The following PRDM6 variants were observed in gnomAD, a reference collection of about 807,000 sequenced individuals.
PRDM6 encodes the protein PR/SET domain 6.
PRDM6 carries 25 observed loss-of-function variants against 60.8 expected under a neutral mutation model. The observed-to-expected ratio is 0.41, with a 90% CI of 0.30 to 0.57. PRDM6 has a LOEUF of 0.57. PRDM6 is among the 20% of genes least tolerant of loss of function. The pLI, the probability that PRDM6 is intolerant of heterozygous loss-of-function variation, is 0.27. For synonymous variants in PRDM6, 407 were observed against 357.4 expected, an observed-to-expected ratio of 1.14 and a Z score of -1.57; for missense variants, 839 against 821.3, an observed-to-expected ratio of 1.02 and a Z score of -0.26.
chr5:123,090,057 G>A lies in PRDM6; in HGVS notation c.43G>A (p.Val15Met), dbSNP rs894157984. The A allele has an allele frequency of 6.5e-7, 1 of 1,548,412 alleles. No homozygotes were observed. The highest frequency in any genetic ancestry group is 8.7e-7 in the Non-Finnish European group (1 of 1,146,078). The stretch of plus-strand genomic sequence containing the variant: ...CCCCGGCGGTTCGGCCTTCCTCAAA[G>A]TGGACCCAGCCTACCTGCAGCACTG... ...GDPGGSAFLKVDPAYLQHWQQ... is the reference protein window; with the variant it reads ...GDPGGSAFLKMDPAYLQHWQQ... Residue 15 changes from valine to methionine, a missense_variant, in exon 2 of 8, where the codon GTG (valine) becomes ATG (methionine). This residue lies in a region of PRDM6 where 730 missense variants were observed against 648.8 expected (regional missense o/e 1.13). Transcript: ENST00000407847.
intron 3 of PRDM6, among the ~76,000 whole-genome samples, chr5:123,119,487 T>A (rs1764533038): frequency 6.6e-6 from 1 of 151,868 alleles, no homozygotes; most frequent in Admixed American, 6.6e-5. Context: ...TGTGGCTTCC[T>A]CAGCTGCAAC....
chr5:123,104,605 G>C (rs1362448451), intron 3 of PRDM6, among the ~76,000 whole-genome samples: 1 of 152,074 alleles, frequency 6.6e-6, no homozygotes, highest in East Asian at 1.9e-4. Context: ...TAGTCTGCCT[G>C]TCAGTTTGGT....
In PRDM6 at chr5:123,193,359, G is replaced by A. The variant is rs906493798; in HGVS notation, c.*6158G>A. ...GTTTAAAAGCAATTATGCCGTATCA[G>A]GTGATTGCCACATGTTGGGGAAAGC... On this transcript the variant is annotated 3_prime_UTR_variant, in exon 8 of 8. Coordinates refer to ENST00000407847, the MANE Select transcript of PRDM6 (RefSeq NM_001136239.4). 3.9e-5 allele frequency: 6 copies of A among 152,176 alleles called. No homozygotes were observed. Among genetic ancestry groups the A allele is most frequent in the African/African-American group, 1.2e-4 (5 of 41,444 alleles). 9.4% of individuals were successfully genotyped at this position (152,176 alleles called of 1,614,324 possible).
chr5:123,136,263 A>G (rs1251234700), intron 3 of PRDM6, among the ~76,000 whole-genome samples: 2 of 152,142 alleles, frequency 1.3e-5, no homozygotes, highest in African/African-American at 2.4e-5. Flanking sequence ...TATGACTACA[A>G]TTTGAATATA....
chr5:123,121,583 T>G (rs907425945), intron 3 of PRDM6, among the ~76,000 whole-genome samples: 7 of 152,130 alleles, frequency 4.6e-5, no homozygotes, highest in Non-Finnish European at 8.8e-5. Flanking sequence ...TAAATCCCAG[T>G]CACCTTAACA....
chr5:123,096,198 A>G (rs1246203340), intron 2 of PRDM6, among the ~76,000 whole-genome samples: 1 of 500 alleles, frequency 2.0e-3, no homozygotes, highest in Non-Finnish European at 5.5e-3. Flanking sequence ...AAGAGAAAGT[A>G]TGAACATTTA....
intron 6 of PRDM6, among the ~76,000 whole-genome samples, chr5:123,177,156 C>A (rs963358825): frequency 1.3e-5 from 2 of 152,160 alleles, no homozygotes; most frequent in Admixed American, 6.5e-5. Context: ...AATTTTTGAA[C>A]GTATTCCTGT....
At chr5:123,153,515 A>G (rs1765420461) in intron 3 of PRDM6, among the ~76,000 whole-genome samples, 1 of 152,180 alleles carries the variant, frequency 6.6e-6, no homozygotes, top group Admixed American at 6.6e-5. Context: ...TCACAGTTTC[A>G]TGTGAAATAT....
chr5:123,091,219 A>G (rs550992597), intron 2 of PRDM6, among the ~76,000 whole-genome samples: 6 of 152,136 alleles, frequency 3.9e-5, no homozygotes, highest in African/African-American at 1.4e-4. Context: ...GTATTCTTAG[A>G]TCTACTATTC....
At chr5:123,155,262 CTTTTT>C (rs759225954) in intron 3 of PRDM6, among the ~76,000 whole-genome samples, 1 of 92,738 alleles carries the variant, frequency 1.1e-5, no homozygotes, top group Admixed American at 1.3e-4. Context: ...GAGGGTCTCT[CTTTTT>C]TTTTTTTTTT....
chr5:123,179,040 TAAAC>T lies in PRDM6; in HGVS notation c.1497-1103_1497-1100del, dbSNP rs373189880. ...TTAATTATCTGAACAAAAATTTTGA[TAAAC>T]AAATTAGAATCCTGTCAAGGAATGA... On this transcript the variant is annotated intron_variant, in intron 6 of 7. Coordinates refer to ENST00000407847, the MANE Select transcript of PRDM6 (RefSeq NM_001136239.4). Among the ~76,000 whole-genome samples the T allele has an allele frequency of 3.4e-3, 515 of 152,302 alleles. 2 individuals carry two copies. The highest frequency in any genetic ancestry group is 4.2e-3 in the Admixed American group (65 of 15,306).
At chr5:123,155,448 AACAG>A (rs773778512) in intron 3 of PRDM6, among the ~76,000 whole-genome samples, 7 of 151,882 alleles carry the variant, frequency 4.6e-5, no homozygotes, top group Non-Finnish European at 1.0e-4. Context: ...CAGCCTGTTG[AACAG>A]ACAGTTACTG....
At chr5:123,185,216 A>G (rs1262917764) in intron 7 of PRDM6, among the ~76,000 whole-genome samples, 1 of 152,220 alleles carries the variant, frequency 6.6e-6, no homozygotes, top group African/African-American at 2.4e-5. Flanking sequence ...CTAATACACA[A>G]GATTAAAAAT....
At chr5:123,127,037 T>A (rs370404370) in intron 3 of PRDM6, among the ~76,000 whole-genome samples, 102 of 151,828 alleles carry the variant, frequency 6.7e-4, no homozygotes, top group African/African-American at 2.4e-3. Flanking sequence ...CTCCCAACAC[T>A]TAACTTTTTT....
Position 123,138,173 on chromosome 5 carries a change from C to T in PRDM6, c.901-17711C>T, listed in dbSNP as rs116735672. 3.0e-3 allele frequency among the ~76,000 whole-genome samples: 451 copies of T among 152,176 alleles called. 4 individuals are homozygous for T. The highest frequency in any genetic ancestry group is 1.0e-2 in the African/African-American group (414 of 41,508). ...GCCTGGGGAGTTTTCCCTGTTCTAACGACTTTAAAAAACAAGCACATGAGT... is the reference window on the plus strand; with the variant it reads ...GCCTGGGGAGTTTTCCCTGTTCTAATGACTTTAAAAAACAAGCACATGAGT... On this transcript the variant is annotated intron_variant, in intron 3 of 7. Transcript: ENST00000407847.
At chr5:123,144,838 T>C (rs1471550877) in intron 3 of PRDM6, among the ~76,000 whole-genome samples, 1 of 152,174 alleles carries the variant, frequency 6.6e-6, no homozygotes, top group Non-Finnish European at 1.5e-5. Context: ...TTTGGCTCAC[T>C]CACAGAGCAG....
chr5:123,156,036 C>T, intron 4 of PRDM6, 25 bp downstream of exon 4: 3 of 1,541,070 alleles, frequency 1.9e-6, no homozygotes, highest in South Asian at 2.4e-5. Flanking sequence ...GATTTACCAC[C>T]TACAGAGCTG....
At chr5:123,091,309 T>G (rs1436790888) in intron 2 of PRDM6, among the ~76,000 whole-genome samples, 1 of 152,210 alleles carries the variant, frequency 6.6e-6, no homozygotes, top group African/African-American at 2.4e-5. Context: ...ATTCCGCTGA[T>G]CCCGCTTTAT....
intron 2 of PRDM6, among the ~76,000 whole-genome samples, chr5:123,091,491 C>G (rs1374423810): frequency 6.6e-6 from 1 of 152,212 alleles, no homozygotes; most frequent in African/African-American, 2.4e-5. Context: ...TTTCTATATT[C>G]ACAATTTGAA....
Sources: gnomAD v4.1 joint callset for allele counts (sites outside exome capture counted in the v4.1 genomes callset) on GRCh38, gnomAD v4.1.1 for gene constraint, gnomAD v4.1.1 regional missense constraint, MANE v1.5 for transcripts, NCBI Gene and HGNC (gene_info 2026-07-23, HGNC 2026-07-21) for gene names.